UBA6: variants seen among roughly 807,000 people sequenced by gnomAD.
UBA6 encodes ubiquitin-like modifier-activating enzyme 6.
UBA6 carries 87 observed loss-of-function variants against 148.3 expected under a neutral mutation model. The observed-to-expected ratio is 0.59, with a 90% confidence interval of 0.49 to 0.70. The LOEUF (loss-of-function observed/expected upper bound fraction) is 0.70, where lower values mean the gene tolerates loss of function less well. UBA6 is among the 30% of genes least tolerant of loss of function. The pLI is 0.00. For synonymous variants in UBA6, 376 were observed against 401.0 expected (o/e 0.94, Z 0.75); for missense variants, 1,186 against 1,241.2 (o/e 0.96, Z 0.67).
Position 67,636,526 on chromosome 4 carries a change from C to A in UBA6, c.1737-968G>T, listed in dbSNP as rs187787819. Among the ~76,000 whole-genome samples, 14 of 152,332 alleles carry A rather than the reference C, an allele frequency of 9.2e-5. No homozygotes were observed. In the East Asian group the frequency reaches 2.5e-3, roughly 27 times the overall value. The stretch of plus-strand genomic sequence containing the variant: ...CCTGCCTCAGCCTGCCTAGTGCCTG[C>A]GATTGCAGGCGCGCACCGCCACGCC... On this transcript the variant is annotated intron_variant, in intron 19 of 32. Transcript: ENST00000322244.
chr4:67,621,879 A>G (rs1728759833), intron 32 of UBA6, among the ~76,000 whole-genome samples: 1 of 152,164 alleles, frequency 6.6e-6, no homozygotes, highest in African/African-American at 2.4e-5. Context: ...AAGTGCTCTG[A>G]AAAAAAGAAA....
At chr4:67,696,398 TATATATACACACACATATAC>T (rs1238842172) in intron 2 of UBA6, among the ~76,000 whole-genome samples, 2 of 148,424 alleles carry the variant, frequency 1.3e-5, no homozygotes, top group East Asian at 3.9e-4. Context: ...TATATGTGTG[TATATATACACACACATATAC>T]ATATATACAC....
chr4:67,691,972 A>G (rs1199759150), intron 2 of UBA6, among the ~76,000 whole-genome samples: 1 of 152,224 alleles, frequency 6.6e-6, no homozygotes, highest in Non-Finnish European at 1.5e-5. Flanking sequence ...AGTCATTATA[A>G]GACCACTTAA....
intron 7 of UBA6, 144 bp downstream of exon 7, chr4:67,673,553 T>G: frequency 2.2e-6 from 1 of 450,840 alleles, no homozygotes. Context: ...AAACAGGAAA[T>G]GAATATATCA....
Position 67,662,073 on chromosome 4 carries a change from T to C in UBA6, c.1104+116A>G, listed in dbSNP as rs150842721. The C allele has an allele frequency of 8.2e-4, 737 of 894,672 alleles. 4 individuals carry two copies. The East Asian group carries it at 0.017, about 21-fold the overall frequency. 55.4% of individuals were successfully genotyped at this position (894,672 alleles called of 1,614,324 possible). A position where few individuals can be genotyped will look rare whatever the true frequency, so the allele number is the denominator to read the frequency against. On this transcript the variant is annotated intron_variant, in intron 13 of 32. Coordinates refer to ENST00000322244, the MANE Select transcript of UBA6 (RefSeq NM_018227.6). The stretch of plus-strand genomic sequence containing the variant: ...TTAAAACAGAACAAACTGAAAAAAG[T>C]TGTCTAATGCCACAGAGTAGCAAAG...
At chr4:67,671,786 A>G (rs1317301298) in intron 7 of UBA6, among the ~76,000 whole-genome samples, 1 of 152,158 alleles carries the variant, frequency 6.6e-6, no homozygotes, top group Non-Finnish European at 1.5e-5. Flanking sequence ...AACAACCCCA[A>G]AAACAAACGA....
intron 25 of UBA6, among the ~76,000 whole-genome samples, chr4:67,631,194 T>C (rs1728989539): frequency 6.6e-6 from 1 of 152,150 alleles, no homozygotes. Flanking sequence ...AGACCTTGTC[T>C]CTTTCAAAGA....
chr4:67,668,466 T>C, intron 9 of UBA6, 85 bp downstream of exon 9: 1 of 1,292,444 alleles, frequency 7.7e-7, no homozygotes. Context: ...TCTCTCTGAG[T>C]TGACATTCTG....
intron 13 of UBA6, among the ~76,000 whole-genome samples, chr4:67,650,982 A>C (rs1729541444): frequency 6.6e-6 from 1 of 152,162 alleles, no homozygotes; most frequent in South Asian, 2.1e-4. Flanking sequence ...CATCCATTAG[A>C]AGCTCCTTTT....
intron 2 of UBA6, among the ~76,000 whole-genome samples, chr4:67,683,308 T>TA (rs1730484392): frequency 6.6e-6 from 1 of 152,214 alleles, no homozygotes; most frequent in Non-Finnish European, 1.5e-5. Context: ...GGAATCACTT[T>TA]GAGTGTCTTT....
At chr4:67,647,775 GT>G (rs397878457) in intron 14 of UBA6, among the ~76,000 whole-genome samples, 221 of 133,180 alleles carry the variant, frequency 1.7e-3, no homozygotes, top group East Asian at 4.7e-3. Context: ...TTCTCATGGT[GT>G]TTTTTTTTTT....
chr4:67,668,602 G>C lies in UBA6; in HGVS notation c.742C>G (p.Arg248Gly), dbSNP rs752046489. The C allele has an allele frequency of 6.2e-7, 1 of 1,612,614 alleles. No individual in the cohort carries two copies. The highest frequency in any genetic ancestry group is 8.5e-7 in the Non-Finnish European group (1 of 1,178,828). Reference protein sequence around the residue: ...KLETGQFLTFREINGMTGLNG... With the variant: ...KLETGQFLTFGEINGMTGLNG... Reference sequence around the variant, plus strand: ...AAACCTGTCATTCCATTAATTTCTCGAAATGTTAGGAATTGTCCTGTCTCC... The same window carrying C: ...AAACCTGTCATTCCATTAATTTCTCCAAATGTTAGGAATTGTCCTGTCTCC... The change falls in exon 9 of 33, where the codon CGA (arginine) becomes GGA (glycine). Residue 248 changes from arginine (R) to glycine (G), a missense_variant. Transcript: ENST00000322244.
intron 6 of UBA6, among the ~76,000 whole-genome samples, chr4:67,675,583 T>C (rs1207813286): frequency 4.6e-5 from 7 of 151,868 alleles, no homozygotes; most frequent in Non-Finnish European, 1.5e-5. Flanking sequence ...ATATAAAAAT[T>C]AGCAGGGCGT....
intron 13 of UBA6, among the ~76,000 whole-genome samples, chr4:67,657,441 C>T (rs1049608650): frequency 3.3e-5 from 5 of 152,126 alleles, no homozygotes; most frequent in Non-Finnish European, 5.9e-5. Context: ...GAAAGGATTC[C>T]CTATTTAATA....
chr4:67,663,635 A>G, intron 11 of UBA6: 1 of 482,050 alleles, frequency 2.1e-6, no homozygotes, highest in Non-Finnish European at 3.7e-6. Flanking sequence ...TATAATTATC[A>G]AAGTTGGCAA....
chr4:67,678,364 GTGTT>G (rs1730341670), intron 5 of UBA6, 71 bp downstream of exon 5: 1 of 814,376 alleles, frequency 1.2e-6, no homozygotes, highest in African/African-American at 1.8e-5. Flanking sequence ...TGACTGATTG[GTGTT>G]CTAGATAAAG....
chr4:67,640,194 A>T (rs1204687813), intron 18 of UBA6, among the ~76,000 whole-genome samples: 2 of 152,214 alleles, frequency 1.3e-5, no homozygotes, highest in Non-Finnish European at 2.9e-5. Flanking sequence ...TGTACAAACA[A>T]ATCAAAACTT....
intron 2 of UBA6, among the ~76,000 whole-genome samples, chr4:67,692,020 CT>C (rs930911511): frequency 1.1e-4 from 17 of 152,030 alleles, no homozygotes; most frequent in Non-Finnish European, 1.8e-4. Context: ...CTGTAGAATT[CT>C]TTTTTTTCCA....
At chr4:67,668,709 C>CT (rs750738356) in intron 8 of UBA6, 35 bp from the exon 9 acceptor site, 7 of 1,574,332 alleles carry the variant, frequency 4.4e-6, no homozygotes, top group African/African-American at 4.1e-5. Flanking sequence ...AAAAGAACTT[C>CT]TTTTTTGTAT....
Sources: allele counts gnomAD v4.1 joint callset (sites outside exome capture counted in the v4.1 genomes callset), GRCh38; gene constraint gnomAD v4.1.1; transcripts MANE v1.5; gene names NCBI Gene and HGNC (gene_info 2026-07-23, HGNC 2026-07-21).